LPP: variants seen among roughly 807,000 people sequenced by gnomAD.
LPP encodes the protein LIM domain containing preferred translocation partner in lipoma.
Under a neutral mutation model 60.4 loss-of-function variants are expected in LPP, and 38 were observed. The ratio of observed to expected loss-of-function variants is 0.63; its 90% CI spans 0.49 to 0.83. LPP has a LOEUF of 0.83. Ranked by LOEUF, LPP falls within the 40% of genes least tolerant of loss-of-function variation. The probability of loss-of-function intolerance (pLI) is 0.00; values close to 1 mark genes in which losing one functional copy is unlikely to be tolerated. For missense variants in LPP, 902 were observed against 783.6 expected (o/e 1.15, Z -1.80); for synonymous variants, 328 against 290.8 (o/e 1.13, Z -1.30).
At position 188,884,817 on chromosome 3, in the gene LPP, C is replaced by T. The variant is rs973669164; in HGVS notation, c.*10338C>T. ...ATTCACATTTACTGAGAGCACACCA[C>T]GTGCATGTTGCTGCAACAGGCATTT... On this transcript the variant is annotated 3_prime_UTR_variant, in exon 12 of 12. Coordinates refer to ENST00000617246, the MANE Select transcript of LPP (RefSeq NM_001375462.1). 6 of 226,146 alleles carry T rather than the reference C, an allele frequency of 2.7e-5. No individual in the cohort carries two copies. The highest frequency in any genetic ancestry group is 1.9e-4 in the East Asian group (3 of 15,760). The allele number at this position is 226,146 out of a possible 1,614,324, so 14.0% of individuals were successfully genotyped here.
intron 8 of LPP, among the ~76,000 whole-genome samples, chr3:188,721,274 G>C (rs1468418301): frequency 6.6e-6 from 1 of 152,066 alleles, no homozygotes; most frequent in Admixed American, 6.5e-5. Flanking sequence ...AAATACGGCT[G>C]GAATTACAGA....
At chr3:188,826,075 A>G (rs1192399776) in intron 9 of LPP, among the ~76,000 whole-genome samples, 1 of 152,000 alleles carries the variant, frequency 6.6e-6, no homozygotes, top group Admixed American at 6.6e-5. Flanking sequence ...GTAGAGTACA[A>G]CTCATACCGG....
chr3:188,385,532 A>G (rs1472369192), intron 3 of LPP, among the ~76,000 whole-genome samples: 1 of 152,112 alleles, frequency 6.6e-6, no homozygotes, highest in East Asian at 1.9e-4. Flanking sequence ...TCACAAACAA[A>G]TAAGAGAATG....
intron 2 of LPP, among the ~76,000 whole-genome samples, chr3:188,305,552 T>C (rs1435357020): frequency 1.3e-5 from 2 of 152,162 alleles, no homozygotes; most frequent in Non-Finnish European, 2.9e-5. Context: ...TGGTCTTCTA[T>C]TTCAGTTGCT....
At chr3:188,820,127 G>A (rs571713020) in intron 9 of LPP, among the ~76,000 whole-genome samples, 1 of 152,118 alleles carries the variant, frequency 6.6e-6, no homozygotes, top group African/African-American at 2.4e-5. Flanking sequence ...AAGGAAGTGT[G>A]GTAATCACAT....
chr3:188,409,792 C>T (rs993237004), intron 4 of LPP, among the ~76,000 whole-genome samples: 1 of 152,144 alleles, frequency 6.6e-6, no homozygotes, highest in Admixed American at 6.5e-5. Context: ...ACCACAAATG[C>T]AGAAAGTTAG....
chr3:188,814,548 A>G (rs574258515), intron 9 of LPP, among the ~76,000 whole-genome samples: 6 of 152,174 alleles, frequency 3.9e-5, no homozygotes, highest in African/African-American at 9.7e-5. Context: ...AATTCCATGT[A>G]CTTTTTTTCC....
intron 7 of LPP, among the ~76,000 whole-genome samples, chr3:188,707,452 T>C (rs1046119802): frequency 6.6e-6 from 1 of 152,218 alleles, no homozygotes; most frequent in African/African-American, 2.4e-5. Context: ...TTTTGCTCTG[T>C]ATGTCTTCAC....
chr3:188,510,400 G>A (rs777735416), intron 5 of LPP, among the ~76,000 whole-genome samples: 67 of 152,090 alleles, frequency 4.4e-4, no homozygotes, highest in Non-Finnish European at 7.8e-4. Flanking sequence ...TTTCTGATAC[G>A]GTCTCTCACT....
At chr3:188,312,507 G>A (rs1447376688) in intron 2 of LPP, among the ~76,000 whole-genome samples, 1 of 151,996 alleles carries the variant, frequency 6.6e-6, no homozygotes, top group African/African-American at 2.4e-5. Context: ...CTTTGATTTT[G>A]TGTGATGCCT....
intron 2 of LPP, among the ~76,000 whole-genome samples, chr3:188,307,462 G>A (rs188885470): frequency 6.2e-4 from 94 of 152,280 alleles, no homozygotes; most frequent in African/African-American, 2.2e-3. Context: ...GATAAAATTT[G>A]TGCCTCCACA....
At chr3:188,664,838 A>C (rs1243585606) in intron 7 of LPP, among the ~76,000 whole-genome samples, 1 of 152,210 alleles carries the variant, frequency 6.6e-6, no homozygotes, top group East Asian at 1.9e-4. Context: ...AACTGGGAGT[A>C]ACTTAGAGTG....
At chr3:188,607,701 C>A (rs1215206361) in intron 6 of LPP, among the ~76,000 whole-genome samples, 1 of 151,790 alleles carries the variant, frequency 6.6e-6, no homozygotes. Flanking sequence ...TTTTGAAAAT[C>A]GAGCACATTT....
intron 2 of LPP, among the ~76,000 whole-genome samples, chr3:188,252,031 GATATATATATATATATAT>G (rs10579787): frequency 0.064 from 2,648 of 41,438 alleles, 210 homozygotes; most frequent in African/African-American, 0.2. Flanking sequence ...TTTTAATCCT[GATATATATATATATATAT>G]ATATATATAT....
intron 6 of LPP, among the ~76,000 whole-genome samples, chr3:188,556,415 A>G (rs1384118262): frequency 6.6e-6 from 1 of 152,120 alleles, no homozygotes; most frequent in Non-Finnish European, 1.5e-5. Flanking sequence ...GATTGCAAAA[A>G]TTAAACATAT....
chr3:188,582,165 T>C (rs796427206), intron 6 of LPP, among the ~76,000 whole-genome samples: 17,122 of 133,798 alleles, frequency 0.13, 988 homozygotes, highest in East Asian at 0.31. Flanking sequence ...TTTTTTTTTT[T>C]TTTTTTTTTT....
intron 8 of LPP, among the ~76,000 whole-genome samples, chr3:188,755,801 T>C (rs905724099): frequency 4.0e-5 from 4 of 100,984 alleles, no homozygotes; most frequent in African/African-American, 8.0e-5. Flanking sequence ...CAGAGTGAGA[T>C]CCTGTCACAA....
intron 2 of LPP, among the ~76,000 whole-genome samples, chr3:188,296,268 G>A (rs1424339829): frequency 6.6e-5 from 10 of 152,186 alleles, no homozygotes; most frequent in Admixed American, 5.9e-4. Flanking sequence ...ACTTAAAAAT[G>A]TCTGTGTAAC....
At chr3:188,691,714 GA>G (rs1285469007) in intron 7 of LPP, among the ~76,000 whole-genome samples, 3 of 152,196 alleles carry the variant, frequency 2.0e-5, no homozygotes, top group Non-Finnish European at 4.4e-5. Context: ...GAGGAACATA[GA>G]ACTCTAGCAG....
Sources: gnomAD v4.1 joint callset for allele counts (sites outside exome capture counted in the v4.1 genomes callset) on GRCh38, gnomAD v4.1.1 for gene constraint, MANE v1.5 for transcripts, NCBI Gene and HGNC (gene_info 2026-07-23, HGNC 2026-07-21) for gene names.